CPNE8: variants seen among roughly 807,000 people sequenced by gnomAD.
CPNE8 encodes the protein copine-8.
A neutral mutation model predicts 81.5 loss-of-function variants in CPNE8; 45 were observed. The observed-to-expected ratio is 0.55, with a 90% CI of 0.44 to 0.71. The LOEUF (loss-of-function observed/expected upper bound fraction) is 0.71. CPNE8 is among the 30% of genes least tolerant of loss of function. The probability of loss-of-function intolerance (pLI) is 0.00; values close to 1 mark genes in which losing one functional copy is unlikely to be tolerated. For synonymous variants in CPNE8, 252 were observed against 226.3 expected (o/e 1.11, Z -1.02); for missense variants, 594 against 672.1 (o/e 0.88, Z 1.28).
chr12:38,779,519 T>C (rs1316329561), intron 6 of CPNE8, among the ~76,000 whole-genome samples: 1 of 151,968 alleles, frequency 6.6e-6, no homozygotes. Flanking sequence ...GAGAAAAAAA[T>C]GTATCCTAAT....
In CPNE8 at chr12:38,905,435, A is replaced by G. The variant is rs1232114032; in HGVS notation, c.98+2T>C. The stretch of plus-strand genomic sequence containing the variant: ...GAGAGAGGGGAAGGGCTGCGTCCTC[A>G]CCTGCAGGACACGGACACCTCCACC... On this transcript the variant is annotated splice_donor_variant, in intron 1 of 19. Coordinates refer to ENST00000331366, the MANE Select transcript of CPNE8 (RefSeq NM_153634.3). LOFTEE classifies it high-confidence loss of function. 2.6e-6 allele frequency: 4 copies of G among 1,559,736 alleles called. No homozygotes were observed. The South Asian group carries it at 4.7e-5, about 18-fold the overall frequency.
In CPNE8 at chr12:38,835,922, A is replaced by G. The variant is rs539788493; in HGVS notation, c.330+3994T>C. On this transcript the variant is annotated intron_variant, in intron 5 of 19. Transcript: ENST00000331366. ...CGCAACCAACCAAGTGGATAAATGTATTTTGGATTGCCTTGTCTGTATGAA... is the reference window on the plus strand; with the variant it reads ...CGCAACCAACCAAGTGGATAAATGTGTTTTGGATTGCCTTGTCTGTATGAA... 3.9e-4 allele frequency among the ~76,000 whole-genome samples: 60 copies of G among 152,266 alleles called. 1 individual carries two copies. The South Asian group carries it at 0.012, about 31-fold the overall frequency.
At chr12:38,819,557 GGAGATC>G (rs2137003757) in intron 6 of CPNE8, among the ~76,000 whole-genome samples, 1 of 152,114 alleles carries the variant, frequency 6.6e-6, no homozygotes, top group Admixed American at 6.6e-5. Context: ...CACAAGGTCA[GGAGATC>G]GAGACCATCC....
chr12:38,795,859 G>C (rs201124246), intron 6 of CPNE8, among the ~76,000 whole-genome samples: 1 of 40,902 alleles, frequency 2.4e-5, no homozygotes, highest in Admixed American at 3.5e-4. Context: ...GATGATAGAT[G>C]GATGGATGGA....
intron 19 of CPNE8, among the ~76,000 whole-genome samples, chr12:38,659,440 CAATA>C (rs1293922060): frequency 6.6e-6 from 1 of 152,092 alleles, no homozygotes; most frequent in East Asian, 1.9e-4. Flanking sequence ...GACTCCCACA[CAATA>C]ATAATGGGAG....
At chr12:38,786,300 G>A (rs1020789433) in intron 6 of CPNE8, among the ~76,000 whole-genome samples, 2 of 152,174 alleles carry the variant, frequency 1.3e-5, no homozygotes, top group Non-Finnish European at 2.9e-5. Flanking sequence ...GTGTGTGAGG[G>A]TGCTGCCAAA....
chr12:38,903,705 G>A (rs919436913), intron 1 of CPNE8, among the ~76,000 whole-genome samples: 2 of 152,128 alleles, frequency 1.3e-5, no homozygotes, highest in African/African-American at 4.8e-5. Flanking sequence ...TAGGACTTCC[G>A]GCTATCCATT....
intron 7 of CPNE8, among the ~76,000 whole-genome samples, chr12:38,773,555 C>T (rs957415297): frequency 3.3e-5 from 5 of 152,004 alleles, no homozygotes; most frequent in African/African-American, 4.8e-5. Context: ...TAACCTCACT[C>T]GGCTAAATAG....
chr12:38,706,170 G>C (rs1013807057), intron 13 of CPNE8, among the ~76,000 whole-genome samples: 1 of 151,932 alleles, frequency 6.6e-6, no homozygotes, highest in African/African-American at 2.4e-5. Flanking sequence ...GGCTATAATA[G>C]GCACACAATA....
chr12:38,789,040 C>T (rs146961129), intron 6 of CPNE8, among the ~76,000 whole-genome samples: 2 of 151,822 alleles, frequency 1.3e-5, no homozygotes, highest in Admixed American at 1.3e-4. Context: ...AAGCATTCTA[C>T]AGTTTCAATG....
At chr12:38,750,627 C>T (rs919243659) in intron 10 of CPNE8, among the ~76,000 whole-genome samples, 1 of 152,108 alleles carries the variant, frequency 6.6e-6, no homozygotes, top group Non-Finnish European at 1.5e-5. Flanking sequence ...GGCCTGTAGC[C>T]CCTTTGTTTT....
intron 1 of CPNE8, among the ~76,000 whole-genome samples, chr12:38,884,170 C>A (rs1196228311): frequency 1.3e-5 from 2 of 152,080 alleles, no homozygotes; most frequent in Non-Finnish European, 2.9e-5. Context: ...CCAAAAACAC[C>A]CTGAACCCAT....
intron 4 of CPNE8, among the ~76,000 whole-genome samples, chr12:38,847,284 T>C (rs2137054716): frequency 6.6e-6 from 1 of 152,136 alleles, no homozygotes; most frequent in East Asian, 1.9e-4. Context: ...GAGGCTGGTT[T>C]TAACATAAAG....
chr12:38,863,876 C>A (rs1402553077), intron 3 of CPNE8, among the ~76,000 whole-genome samples: 1 of 151,826 alleles, frequency 6.6e-6, no homozygotes, highest in Non-Finnish European at 1.5e-5. Flanking sequence ...ACGGTGAAAC[C>A]CCGTCTCTAC....
At chr12:38,696,939 T>C (rs772472969) in intron 14 of CPNE8, among the ~76,000 whole-genome samples, 8 of 152,188 alleles carry the variant, frequency 5.3e-5, no homozygotes, top group Non-Finnish European at 1.0e-4. Flanking sequence ...CCCAGCTACT[T>C]GGGAGGCTGA....
chr12:38,786,124 G>T (rs141610596), intron 6 of CPNE8, among the ~76,000 whole-genome samples: 73 of 152,144 alleles, frequency 4.8e-4, no homozygotes, highest in African/African-American at 1.3e-3. Flanking sequence ...GAGGCTGAAT[G>T]GATTAAAAAA....
intron 13 of CPNE8, among the ~76,000 whole-genome samples, chr12:38,708,734 C>A (rs1336143779): frequency 1.3e-5 from 2 of 152,148 alleles, no homozygotes; most frequent in South Asian, 4.1e-4. Flanking sequence ...AATTTACTAG[C>A]ACAGCAAAGA....
intron 10 of CPNE8, among the ~76,000 whole-genome samples, chr12:38,760,240 C>A (rs1271940977): frequency 6.6e-6 from 1 of 151,932 alleles, no homozygotes; most frequent in East Asian, 1.9e-4. Flanking sequence ...GATCATTTTA[C>A]AAACATCTCA....
chr12:38,862,978 C>T (rs1943860950), intron 3 of CPNE8, among the ~76,000 whole-genome samples: 1 of 151,268 alleles, frequency 6.6e-6, no homozygotes, highest in East Asian at 1.9e-4. Context: ...AAATTAAACC[C>T]AAAAATGAGA....
Sources: allele counts gnomAD v4.1 joint callset (sites outside exome capture counted in the v4.1 genomes callset), GRCh38; gene constraint gnomAD v4.1.1; transcripts MANE v1.5; gene names NCBI Gene and HGNC (gene_info 2026-07-23, HGNC 2026-07-21).